The following CPNE4 variants were observed in gnomAD, a reference collection of about 807,000 sequenced individuals.
CPNE4 encodes copine-4.
Under a neutral mutation model 67.9 loss-of-function variants are expected in CPNE4, and 25 were observed. That is an observed-to-expected ratio of 0.37 (90% CI 0.27 to 0.51). The LOEUF is 0.51. Among genes scored for constraint, CPNE4 ranks in the 20% least tolerant of loss-of-function variants. CPNE4 has a pLI of 0.93. For synonymous variants in CPNE4, 242 were observed against 244.9 expected (o/e 0.99, Z 0.11); for missense variants, 464 against 690.8 (o/e 0.67, Z 3.68).
chr3:131,879,757 C>A (rs1045575837), intron 2 of CPNE4, among the ~76,000 whole-genome samples: 2 of 152,158 alleles, frequency 1.3e-5, no homozygotes, highest in African/African-American at 4.8e-5. Flanking sequence ...TACTAAGAAC[C>A]ATTTGTCATT....
At position 131,552,462 on chromosome 3, in the gene CPNE4, A is replaced by T; in HGVS notation, c.1146T>A (p.Asn382Lys). The change falls in exon 13 of 16, where the codon AAT becomes AAA. Residue 382 changes from asparagine (N) to lysine (K), a missense_variant. Asn to Lys is a moderately conservative substitution (Grantham distance 94). Transcript: ENST00000429747. ...TACCTGCACATTCTGGGTTGTCTTCATTAAAGTTGATTGCAAAGTCATGAG... is the reference window on the plus strand; with the variant it reads ...TACCTGCACATTCTGGGTTGTCTTCTTTAAAGTTGATTGCAAAGTCATGAG... ...TVSHDFAINF[N>K]EDNPECAGIQ... is the part of the protein sequence containing the mutation. 1 of 1,612,828 alleles carries T rather than the reference A, an allele frequency of 6.2e-7. No individual in the cohort carries two copies. The highest frequency in any genetic ancestry group is 8.5e-7 in the Non-Finnish European group (1 of 1,179,188).
chr3:131,625,656 G>C (rs1244338356), intron 7 of CPNE4, among the ~76,000 whole-genome samples: 2 of 152,194 alleles, frequency 1.3e-5, no homozygotes, highest in Non-Finnish European at 2.9e-5. Flanking sequence ...GACTTCCAGT[G>C]AATGCCTGAA....
At chr3:131,929,989 A>G (rs2071009174) in intron 1 of CPNE4, among the ~76,000 whole-genome samples, 1 of 152,208 alleles carries the variant, frequency 6.6e-6, no homozygotes, top group Non-Finnish European at 1.5e-5. Context: ...TGCAAGTGCT[A>G]TTACAAATGT....
intron 1 of CPNE4, among the ~76,000 whole-genome samples, chr3:131,988,571 C>T (rs1452525879): frequency 6.6e-6 from 1 of 152,090 alleles, no homozygotes; most frequent in Non-Finnish European, 1.5e-5. Flanking sequence ...ATAGACAAAT[C>T]TTGATAGTTG....
intron 3 of CPNE4, among the ~76,000 whole-genome samples, chr3:131,717,579 G>A (rs2081732243): frequency 6.6e-6 from 1 of 152,026 alleles, no homozygotes; most frequent in Non-Finnish European, 1.5e-5. Flanking sequence ...CCCCATCCTG[G>A]GCAAGATTGA....
chr3:131,953,027 C>G (rs2071815546), intron 1 of CPNE4, among the ~76,000 whole-genome samples: 1 of 151,916 alleles, frequency 6.6e-6, no homozygotes, highest in Non-Finnish European at 1.5e-5. Context: ...CTTTGTTAAA[C>G]AGATGCTTGA....
In CPNE4 at chr3:131,867,123, A is replaced by G. The variant is rs56887707; in HGVS notation, c.180+38141T>C. On this transcript the variant is annotated intron_variant, in intron 2 of 15. Transcript: ENST00000429747. ...CTGGTGGGGCTGCAAGTGTGTTAAA[A>G]GTTTGTTGCCAGTGTTCATAAAAGA... Among the ~76,000 whole-genome samples the G allele has an allele frequency of 4.3e-3, 655 of 152,332 alleles. 4 individuals are homozygous for G. Among genetic ancestry groups the G allele is most frequent in the African/African-American group, 0.015 (631 of 41,568 alleles).
At chr3:131,956,986 T>C (rs1560677739) in intron 1 of CPNE4, among the ~76,000 whole-genome samples, 1 of 152,218 alleles carries the variant, frequency 6.6e-6, no homozygotes. Context: ...CTTTTTAAAT[T>C]GCCATTGTTT....
At chr3:131,867,441 A>G (rs1023444220) in intron 2 of CPNE4, among the ~76,000 whole-genome samples, 2 of 152,122 alleles carry the variant, frequency 1.3e-5, no homozygotes, top group Non-Finnish European at 2.9e-5. Context: ...TATTAATTCT[A>G]TGATTAAGAA....
At chr3:131,911,761 T>C (rs923722234) in intron 1 of CPNE4, among the ~76,000 whole-genome samples, 7 of 152,090 alleles carry the variant, frequency 4.6e-5, no homozygotes, top group African/African-American at 1.4e-4. Context: ...CTTTTCACAA[T>C]TATACTCAGG....
At chr3:131,949,621 T>C (rs1375889578) in intron 1 of CPNE4, among the ~76,000 whole-genome samples, 1 of 152,200 alleles carries the variant, frequency 6.6e-6, no homozygotes. Flanking sequence ...CATCTGCTAC[T>C]ACTATTTAAT....
At chr3:131,699,852 C>G in intron 4 of CPNE4, 57 bp downstream of exon 4, 2 of 1,479,924 alleles carry the variant, frequency 1.4e-6, no homozygotes, top group East Asian at 2.3e-5. Flanking sequence ...TTTGGGCTGG[C>G]CAGTCCGCCC....
intron 2 of CPNE4, among the ~76,000 whole-genome samples, chr3:131,895,645 CTCA>C: frequency 6.6e-6 from 1 of 151,998 alleles, no homozygotes; most frequent in East Asian, 1.9e-4. Context: ...AAAGAAAAAC[CTCA>C]TCAAGCTGAA....
intron 1 of CPNE4, among the ~76,000 whole-genome samples, chr3:131,957,660 A>T (rs1193344646): frequency 1.3e-5 from 2 of 152,282 alleles, no homozygotes; most frequent in East Asian, 3.9e-4. Context: ...CCATTCACTC[A>T]CCAAGTATTC....
intron 3 of CPNE4, among the ~76,000 whole-genome samples, chr3:131,714,200 T>G (rs773779889): frequency 2.6e-5 from 4 of 152,082 alleles, no homozygotes; most frequent in Non-Finnish European, 5.9e-5. Context: ...ACCCTCAGCA[T>G]CATCATAACA....
chr3:131,955,054 T>C (rs1446785374), intron 1 of CPNE4, among the ~76,000 whole-genome samples: 2 of 151,756 alleles, frequency 1.3e-5, no homozygotes, highest in African/African-American at 4.8e-5. Flanking sequence ...AATCGCATGT[T>C]CCATCTTCCC....
At chr3:131,980,440 C>CTTGTCT (rs1199639929) in intron 1 of CPNE4, among the ~76,000 whole-genome samples, 1 of 151,968 alleles carries the variant, frequency 6.6e-6, no homozygotes, top group Non-Finnish European at 1.5e-5. Context: ...ATTTGAAGAC[C>CTTGTCT]TTGTCTTTGA....
chr3:132,014,514 A>AT (rs891446534), intron 1 of CPNE4, among the ~76,000 whole-genome samples: 2 of 151,772 alleles, frequency 1.3e-5, no homozygotes, highest in Non-Finnish European at 2.9e-5. Context: ...AGACCACTTG[A>AT]TTTTTTCCTC....
intron 8 of CPNE4, among the ~76,000 whole-genome samples, chr3:131,586,391 T>C (rs543018102): frequency 4.2e-4 from 64 of 152,114 alleles, no homozygotes; most frequent in South Asian, 1.0e-3. Context: ...CCAGAAAGGG[T>C]GCATTATCAA....
Sources: allele counts gnomAD v4.1 joint callset (sites outside exome capture counted in the v4.1 genomes callset), GRCh38; gene constraint gnomAD v4.1.1; transcripts MANE v1.5; gene names NCBI Gene and HGNC (gene_info 2026-07-23, HGNC 2026-07-21).